Variants in ARHGAP24 observed in about 807,000 individuals in gnomAD.
ARHGAP24 encodes Rho GTPase activating protein 24.
A neutral mutation model predicts 76.4 loss-of-function variants in ARHGAP24; 50 were observed. That is an observed-to-expected ratio of 0.65 (90% CI 0.52 to 0.83). The LOEUF (loss-of-function observed/expected upper bound fraction) is 0.83, where lower values mean the gene tolerates loss of function less well. Among genes scored for constraint, ARHGAP24 ranks in the 40% least tolerant of loss-of-function variants. ARHGAP24 has a pLI of 0.00. For synonymous variants in ARHGAP24, 345 were observed against 323.3 expected (o/e 1.07, Z -0.72); for missense variants, 930 against 914.2 (o/e 1.02, Z -0.22).
At chr4:85,678,667 C>T (rs776990218) in intron 2 of ARHGAP24, among the ~76,000 whole-genome samples, 27 of 152,126 alleles carry the variant, frequency 1.8e-4, no homozygotes, top group Non-Finnish European at 3.8e-4. Flanking sequence ...TATCAGACTA[C>T]AAACAGTGCA....
intron 3 of ARHGAP24, among the ~76,000 whole-genome samples, chr4:85,878,351 A>G (rs1043116398): frequency 6.6e-6 from 1 of 152,146 alleles, no homozygotes; most frequent in Non-Finnish European, 1.5e-5. Flanking sequence ...TATGTATCCA[A>G]TTATTTTCAG....
intron 2 of ARHGAP24, among the ~76,000 whole-genome samples, chr4:85,644,608 T>G (rs1721654151): frequency 6.6e-6 from 1 of 152,170 alleles, no homozygotes. Context: ...AATCTTTATT[T>G]GATATTAAAA....
At chr4:85,822,630 A>G (rs1265030706) in intron 3 of ARHGAP24, among the ~76,000 whole-genome samples, 1 of 152,238 alleles carries the variant, frequency 6.6e-6, no homozygotes, top group African/African-American at 2.4e-5. Context: ...ACAATATTTT[A>G]GAAGACAATA....
At chr4:85,888,598 A>G (rs1297741018) in intron 3 of ARHGAP24, among the ~76,000 whole-genome samples, 1 of 151,992 alleles carries the variant, frequency 6.6e-6, no homozygotes, top group Admixed American at 6.6e-5. Flanking sequence ...CATCTTGGAC[A>G]CCAAATTGTT....
intron 2 of ARHGAP24, among the ~76,000 whole-genome samples, chr4:85,673,897 G>T (rs960984334): frequency 6.6e-6 from 1 of 151,828 alleles, no homozygotes; most frequent in Non-Finnish European, 1.5e-5. Flanking sequence ...CCCTACAGAG[G>T]TTTATAAAAT....
chr4:85,712,215 G>C (rs936401560), intron 2 of ARHGAP24, among the ~76,000 whole-genome samples: 2 of 152,012 alleles, frequency 1.3e-5, no homozygotes, highest in African/African-American at 2.4e-5. Flanking sequence ...CTGGTTTAAC[G>C]GTTTCCTCCT....
chr4:85,521,453 A>AAAGTAATATATATATTACATCATACCTTC (rs1287040253), intron 1 of ARHGAP24, among the ~76,000 whole-genome samples: 14 of 152,120 alleles, frequency 9.2e-5, no homozygotes, highest in South Asian at 6.2e-4. Context: ...CTCCCTTTTT[A>AAAGTAATATATATATTACATCATACCTTC]TCACCTCCAT....
intron 9 of ARHGAP24, 73 bp from the exon 10 acceptor site, chr4:86,000,406 T>G: frequency 9.0e-7 from 1 of 1,112,338 alleles, no homozygotes. Context: ...TCTCTTGCAT[T>G]TCAAGTGAAT....
intron 3 of ARHGAP24, among the ~76,000 whole-genome samples, chr4:85,794,967 C>A (rs1415854039): frequency 6.6e-6 from 1 of 152,106 alleles, no homozygotes; most frequent in Non-Finnish European, 1.5e-5. Flanking sequence ...TTGGGTTATC[C>A]CCCTTAAACA....
At chr4:85,672,095 G>A (rs1446634112) in intron 2 of ARHGAP24, among the ~76,000 whole-genome samples, 2 of 152,180 alleles carry the variant, frequency 1.3e-5, no homozygotes, top group African/African-American at 4.8e-5. Flanking sequence ...CACACCAGGA[G>A]TCATTCTGTT....
intron 1 of ARHGAP24, among the ~76,000 whole-genome samples, chr4:85,506,133 C>T (rs1031960849): frequency 1.3e-5 from 2 of 152,084 alleles, no homozygotes. Flanking sequence ...AAGAGAGGCA[C>T]CTGACTGTAT....
At chr4:85,569,692 G>A (rs1007159083) in intron 1 of ARHGAP24, among the ~76,000 whole-genome samples, 1 of 152,142 alleles carries the variant, frequency 6.6e-6, no homozygotes, top group African/African-American at 2.4e-5. Flanking sequence ...AGGTGTTTTT[G>A]TTTGTTTGTT....
At chr4:85,620,400 A>G (rs1329913887) in intron 2 of ARHGAP24, among the ~76,000 whole-genome samples, 1 of 151,892 alleles carries the variant, frequency 6.6e-6, no homozygotes, top group Non-Finnish European at 1.5e-5. Flanking sequence ...GTTCCCGGCA[A>G]TTCATCCATT....
intron 2 of ARHGAP24, among the ~76,000 whole-genome samples, chr4:85,680,528 G>A (rs112584101): frequency 2.2e-4 from 33 of 152,058 alleles, no homozygotes; most frequent in African/African-American, 7.7e-4. Context: ...CAGGAGTTAT[G>A]GCTTCTTCAT....
intron 3 of ARHGAP24, among the ~76,000 whole-genome samples, chr4:85,737,603 A>T (rs781235141): frequency 6.6e-6 from 1 of 152,212 alleles, no homozygotes; most frequent in Non-Finnish European, 1.5e-5. Flanking sequence ...GCTCAAAATA[A>T]TTGGGAGCAG....
chr4:85,623,043 A>G (rs1179433444), intron 2 of ARHGAP24, among the ~76,000 whole-genome samples: 2 of 152,092 alleles, frequency 1.3e-5, no homozygotes, highest in African/African-American at 4.8e-5. Flanking sequence ...CCCATTCTGT[A>G]GGTTGCCTGT....
chr4:85,588,483 T>G (rs1174715396), intron 2 of ARHGAP24, among the ~76,000 whole-genome samples: 1 of 152,184 alleles, frequency 6.6e-6, no homozygotes, highest in Non-Finnish European at 1.5e-5. Context: ...ATAGCACTTT[T>G]CATGTAAGGT....
At chr4:85,931,690 C>T (rs1398617521) in intron 4 of ARHGAP24, among the ~76,000 whole-genome samples, 1 of 152,086 alleles carries the variant, frequency 6.6e-6, no homozygotes, top group Non-Finnish European at 1.5e-5. Flanking sequence ...GAAACTAAGA[C>T]ATTTCTGAAT....
intron 3 of ARHGAP24, among the ~76,000 whole-genome samples, chr4:85,748,203 C>T (rs1726125820): frequency 6.6e-6 from 1 of 152,228 alleles, no homozygotes; most frequent in Non-Finnish European, 1.5e-5. Context: ...CATCCCCTAC[C>T]TCTATGCATG....
Sources: gnomAD v4.1 joint callset for allele counts (sites outside exome capture counted in the v4.1 genomes callset) on GRCh38, gnomAD v4.1.1 for gene constraint, MANE v1.5 for transcripts, NCBI Gene and HGNC (gene_info 2026-07-23, HGNC 2026-07-21) for gene names.